PYROXD1: variants seen among roughly 807,000 people sequenced by gnomAD.
The protein encoded by PYROXD1 is tRNA ligase complex-associated NAD(P)H dehydrogenase PYROXD1.
Under a neutral mutation model 62.0 loss-of-function variants are expected in PYROXD1, and 42 were observed. The ratio of observed to expected loss-of-function variants is 0.68; its 90% CI spans 0.53 to 0.88. PYROXD1 has a LOEUF of 0.88. Among genes scored for constraint, PYROXD1 ranks in the 40% least tolerant of loss-of-function variants. The pLI is 0.00. For synonymous variants in PYROXD1, 170 were observed against 206.4 expected (o/e 0.82, Z 1.51); for missense variants, 493 against 604.8 (o/e 0.82, Z 1.94).
intron 4 of PYROXD1, among the ~76,000 whole-genome samples, 154 bp downstream of exon 4, chr12:21,449,845 G>A (rs905739128): frequency 9.2e-5 from 14 of 151,558 alleles, no homozygotes; most frequent in African/African-American, 3.4e-4. Flanking sequence ...TTTTATTCCT[G>A]CCAATTTTCT....
At chr12:21,442,209 C>G (rs998283340) in intron 2 of PYROXD1, among the ~76,000 whole-genome samples, 1 of 152,122 alleles carries the variant, frequency 6.6e-6, no homozygotes, top group African/African-American at 2.4e-5. Flanking sequence ...GCCTATGGAG[C>G]AGATAGAGCT....
chr12:21,447,036 T>C (rs1054982530), intron 3 of PYROXD1, among the ~76,000 whole-genome samples: 67 of 152,174 alleles, frequency 4.4e-4, no homozygotes, highest in African/African-American at 1.6e-3. Context: ...TGCTATAAAT[T>C]TGGCAGGACT....
intron 10 of PYROXD1, among the ~76,000 whole-genome samples, chr12:21,466,851 G>T (rs1221078465): frequency 3.3e-5 from 5 of 152,098 alleles, no homozygotes; most frequent in Non-Finnish European, 7.4e-5. Context: ...CTTATTGAGA[G>T]TTTTTAGCAT....
chr12:21,443,631 C>G (rs1471211375), intron 2 of PYROXD1, among the ~76,000 whole-genome samples: 1 of 152,082 alleles, frequency 6.6e-6, no homozygotes, highest in Non-Finnish European at 1.5e-5. Flanking sequence ...GTTATAAAGC[C>G]TATGCAAAAT....
In PYROXD1 at chr12:21,445,373, T is replaced by A; in HGVS notation, c.192T>A (p.Asp64Glu). ...KQISKILEEF[D>E]VEEQSSTMLG... ...TTTCTAAAATATTGGAAGAATTCGA[T>A]GTTGAAGAACAATCAAGTACCATGT... Residue 64 changes from aspartate (D) to glutamate (E), a missense_variant, in exon 3 of 12, where the codon GAT becomes GAA. Asp to Glu is a conservative substitution (Grantham distance 45, BLOSUM62 2). This residue lies in a region of PYROXD1 where 164 missense variants were observed against 158.2 expected (regional missense o/e 1.04). Coordinates refer to ENST00000240651, the MANE Select transcript of PYROXD1 (RefSeq NM_024854.5). The A allele has an allele frequency of 1.2e-6, 2 of 1,602,420 alleles. No individual in the cohort carries two copies.
At chr12:21,463,084 A>G (rs547648568) in intron 10 of PYROXD1, among the ~76,000 whole-genome samples, 4 of 152,136 alleles carry the variant, frequency 2.6e-5, no homozygotes, top group Admixed American at 6.6e-5. Flanking sequence ...AAAAGAAATT[A>G]TGGGCTATTA....
intron 7 of PYROXD1, among the ~76,000 whole-genome samples, chr12:21,456,463 A>G (rs539247707): frequency 6.6e-6 from 1 of 152,358 alleles, no homozygotes; most frequent in South Asian, 2.1e-4. Context: ...AGTTATGTTT[A>G]TAACATACTG....
intron 2 of PYROXD1, among the ~76,000 whole-genome samples, chr12:21,443,659 G>A (rs900094908): frequency 5.3e-5 from 8 of 152,116 alleles, no homozygotes; most frequent in South Asian, 2.1e-4. Context: ...CTAAAATGTC[G>A]AAAAACGTAC....
chr12:21,468,866 G>T lies in PYROXD1; in HGVS notation c.*112G>T. On this transcript the variant is annotated 3_prime_UTR_variant, in exon 12 of 12. Transcript: ENST00000240651. ...AATGATGACCACACTGAAAATTACAGAAGTGATAATGATATTAGTGGAAAA... is the reference window on the plus strand; with the variant it reads ...AATGATGACCACACTGAAAATTACATAAGTGATAATGATATTAGTGGAAAA... The T allele has an allele frequency of 1.0e-6, 1 of 968,442 alleles. No individual in the cohort carries two copies. Among genetic ancestry groups the T allele is most frequent in the African/African-American group, 1.6e-5 (1 of 60,712 alleles). 60.0% of individuals were successfully genotyped at this position (968,442 alleles called of 1,614,324 possible).
intron 7 of PYROXD1, 38 bp from the exon 8 acceptor site, chr12:21,460,987 T>G: frequency 7.7e-7 from 1 of 1,291,796 alleles, no homozygotes. Flanking sequence ...TTATTCTTTC[T>G]GTAAGTATTA....
At chr12:21,458,926 A>G (rs1252401057) in intron 7 of PYROXD1, among the ~76,000 whole-genome samples, 3 of 152,220 alleles carry the variant, frequency 2.0e-5, no homozygotes, top group African/African-American at 4.8e-5. Flanking sequence ...AGCACATGCT[A>G]TTGGAAAAAT....
rs1398731019 is a variant in PYROXD1, at chr12:21,469,987, G to C, written c.*1233G>C. ...GGTTTTACATAAAAATTTTTCCCTT[G>C]TTTTATACTGGAAAATTATATAATT... On this transcript the variant is annotated 3_prime_UTR_variant, in exon 12 of 12. Transcript: ENST00000240651. The C allele has an allele frequency of 3.2e-6, 2 of 632,294 alleles. No individual in the cohort carries two copies. The highest frequency in any genetic ancestry group is 4.7e-6 in the Non-Finnish European group (2 of 422,432). 39.2% of individuals were successfully genotyped at this position (632,294 alleles called of 1,614,324 possible).
chr12:21,465,569 A>C (rs1300447455), intron 10 of PYROXD1, among the ~76,000 whole-genome samples: 6 of 151,370 alleles, frequency 4.0e-5, no homozygotes, highest in African/African-American at 1.5e-4. Context: ...GATATTAGCC[A>C]TTTGTCGGAC....
chr12:21,457,652 C>T (rs574770526), intron 7 of PYROXD1, among the ~76,000 whole-genome samples: 4 of 151,962 alleles, frequency 2.6e-5, no homozygotes, highest in African/African-American at 7.2e-5. Context: ...CTTTCAATCA[C>T]GGGGGAAGGG....
chr12:21,449,983 G>A (rs1424931521), intron 4 of PYROXD1, among the ~76,000 whole-genome samples: 2 of 149,960 alleles, frequency 1.3e-5, no homozygotes, highest in East Asian at 2.0e-4. Flanking sequence ...TCAGCCTCCC[G>A]AGAAGCTGGG....
intron 3 of PYROXD1, among the ~76,000 whole-genome samples, chr12:21,447,170 C>A (rs1942405884): frequency 6.6e-6 from 1 of 152,062 alleles, no homozygotes; most frequent in Admixed American, 6.5e-5. Flanking sequence ...TTTCTATAAG[C>A]AGTTCTAATT....
intron 3 of PYROXD1, chr12:21,448,011 G>T (rs1942425019): frequency 1.5e-5 from 6 of 406,616 alleles, no homozygotes; most frequent in East Asian, 4.1e-5. Context: ...GCGTACTTTT[G>T]ATAGCACGTG....
At chr12:21,460,967 G>C in intron 7 of PYROXD1, 58 bp from the exon 8 acceptor site, 1 of 1,092,384 alleles carries the variant, frequency 9.2e-7, no homozygotes, top group Non-Finnish European at 1.3e-6. Context: ...TTCATCATTA[G>C]TAACCCGGGT....
At chr12:21,465,810 T>G (rs1942783064) in intron 10 of PYROXD1, among the ~76,000 whole-genome samples, 1 of 152,180 alleles carries the variant, frequency 6.6e-6, no homozygotes, top group South Asian at 2.1e-4. Flanking sequence ...GTCTAACATG[T>G]AAGTCTTTAA....
Sources: allele counts gnomAD v4.1 joint callset (sites outside exome capture counted in the v4.1 genomes callset), GRCh38; gene constraint gnomAD v4.1.1; regional missense constraint gnomAD v4.1.1; transcripts MANE v1.5; gene names NCBI Gene and HGNC (gene_info 2026-07-23, HGNC 2026-07-21).